MARCHF3: variants seen among roughly 807,000 people sequenced by gnomAD.
The protein encoded by MARCHF3 is membrane associated ring-CH-type finger 3.
A neutral mutation model predicts 24.2 loss-of-function variants in MARCHF3; 13 were observed. That is an observed-to-expected ratio of 0.54 (90% CI 0.35 to 0.85). MARCHF3 has a LOEUF of 0.85. Among genes scored for constraint, MARCHF3 ranks in the 40% least tolerant of loss-of-function variants. The probability of loss-of-function intolerance (pLI) is 0.01; values close to 1 mark genes in which losing one functional copy is unlikely to be tolerated. For synonymous variants in MARCHF3, 144 were observed against 137.3 expected, an observed-to-expected ratio of 1.05 and a Z score of -0.34; for missense variants, 276 against 325.0, an observed-to-expected ratio of 0.85 and a Z score of 1.16.
rs189073503 is a variant in MARCHF3, at chr5:126,888,475, C to A, written c.394-10081G>T. Reference sequence around the variant, plus strand: ...GGCACAACAGGATTAGATGGCAAATCATTTTATATATTCACTTGTAACTTC... The same window carrying A: ...GGCACAACAGGATTAGATGGCAAATAATTTTATATATTCACTTGTAACTTC... On this transcript the variant is annotated intron_variant, in intron 3 of 4. Coordinates refer to ENST00000308660, the MANE Select transcript of MARCHF3 (RefSeq NM_178450.5). 3.3e-5 allele frequency among the ~76,000 whole-genome samples: 5 copies of A among 152,276 alleles called. No homozygotes were observed. The East Asian group carries it at 9.6e-4, about 29-fold the overall frequency.
chr5:126,909,516 C>A (rs545244783), intron 3 of MARCHF3, among the ~76,000 whole-genome samples: 1 of 152,382 alleles, frequency 6.6e-6, no homozygotes, highest in Non-Finnish European at 1.5e-5. Context: ...AGGATATAAT[C>A]TCCTGGTGCG....
intron 1 of MARCHF3, among the ~76,000 whole-genome samples, chr5:126,983,065 G>A (rs1580705716): frequency 6.6e-6 from 1 of 152,152 alleles, no homozygotes. Flanking sequence ...GGAGTAGGGA[G>A]TATGGGGTCA....
intron 1 of MARCHF3, among the ~76,000 whole-genome samples, chr5:126,997,725 C>T (rs1429973618): frequency 6.6e-6 from 1 of 152,124 alleles, no homozygotes; most frequent in East Asian, 1.9e-4. Flanking sequence ...TAAGGCTATG[C>T]TTTTCTGCAA....
chr5:126,976,682 G>A (rs779534547), intron 1 of MARCHF3, among the ~76,000 whole-genome samples: 11 of 152,238 alleles, frequency 7.2e-5, no homozygotes, highest in Non-Finnish European at 1.3e-4. Flanking sequence ...TCTGAGGTCA[G>A]GAGCTGAAAT....
At chr5:126,901,152 T>C (rs1754092419) in intron 3 of MARCHF3, among the ~76,000 whole-genome samples, 1 of 152,066 alleles carries the variant, frequency 6.6e-6, no homozygotes, top group Non-Finnish European at 1.5e-5. Flanking sequence ...ACCTGAGACA[T>C]TGAAATAAGA....
chr5:127,000,132 A>G (rs1752080000), intron 1 of MARCHF3, among the ~76,000 whole-genome samples: 1 of 151,818 alleles, frequency 6.6e-6, no homozygotes, highest in African/African-American at 2.4e-5. Flanking sequence ...GAGATCCTTC[A>G]TATCATTTAA....
chr5:127,013,750 T>C (rs1475752720), intron 1 of MARCHF3, among the ~76,000 whole-genome samples: 2 of 152,164 alleles, frequency 1.3e-5, no homozygotes, highest in African/African-American at 2.4e-5. Flanking sequence ...TGAATCCATC[T>C]ATATAAGGCC....
intron 3 of MARCHF3, chr5:126,898,915 G>C: frequency 1.0e-6 from 1 of 985,040 alleles, no homozygotes; most frequent in Non-Finnish European, 1.2e-6. Context: ...TTCACAAACA[G>C]ATTATACATT....
intron 1 of MARCHF3, among the ~76,000 whole-genome samples, chr5:126,920,171 T>G (rs1243088422): frequency 2.0e-5 from 3 of 152,214 alleles, no homozygotes; most frequent in African/African-American, 7.2e-5. Flanking sequence ...GGTAGATATC[T>G]TCTTTTTATT....
intron 1 of MARCHF3, among the ~76,000 whole-genome samples, chr5:127,021,978 T>C (rs1752819175): frequency 6.6e-6 from 1 of 152,226 alleles, no homozygotes; most frequent in Admixed American, 6.5e-5. Flanking sequence ...AGGCCTGCCC[T>C]TCTCCATATT....
intron 4 of MARCHF3, among the ~76,000 whole-genome samples, chr5:126,871,664 T>G (rs1333525666): frequency 6.6e-6 from 1 of 152,044 alleles, no homozygotes; most frequent in Non-Finnish European, 1.5e-5. Flanking sequence ...TGAATAAGCA[T>G]CCTATATTTT....
intron 1 of MARCHF3, among the ~76,000 whole-genome samples, chr5:126,985,468 TTTA>T (rs1170337855): frequency 2.7e-5 from 4 of 148,726 alleles, no homozygotes; most frequent in South Asian, 4.4e-4. Context: ...TGGATGAACT[TTTA>T]TTTTTTTTTT....
chr5:126,948,122 C>G (rs1235681985), intron 1 of MARCHF3, among the ~76,000 whole-genome samples: 3 of 152,136 alleles, frequency 2.0e-5, no homozygotes, highest in Non-Finnish European at 4.4e-5. Flanking sequence ...CTGGGAGCCT[C>G]TACCATGACA....
At chr5:126,955,991 A>G (rs890002446) in intron 1 of MARCHF3, among the ~76,000 whole-genome samples, 2 of 152,214 alleles carry the variant, frequency 1.3e-5, no homozygotes, top group Non-Finnish European at 2.9e-5. Flanking sequence ...ACATTAATCT[A>G]CCTTTCTTTT....
chr5:126,897,905 G>C (rs1410125430), intron 3 of MARCHF3, among the ~76,000 whole-genome samples: 1 of 152,098 alleles, frequency 6.6e-6, no homozygotes, highest in Non-Finnish European at 1.5e-5. Context: ...TGAGACTAGA[G>C]CTTGCAAACA....
intron 1 of MARCHF3, among the ~76,000 whole-genome samples, chr5:126,982,866 T>C (rs201669158): frequency 1.3e-5 from 2 of 152,212 alleles, no homozygotes; most frequent in East Asian, 3.8e-4. Flanking sequence ...GTTTTTGTTA[T>C]ACCACTAATG....
intron 1 of MARCHF3, among the ~76,000 whole-genome samples, chr5:126,941,144 T>C (rs1580665121): frequency 1.3e-5 from 2 of 152,224 alleles, no homozygotes; most frequent in South Asian, 4.1e-4. Context: ...GAGTTATCAT[T>C]TGAACAGGTA....
chr5:126,900,136 A>AT (rs920698803), intron 3 of MARCHF3, among the ~76,000 whole-genome samples: 12 of 151,358 alleles, frequency 7.9e-5, no homozygotes, highest in Admixed American at 2.0e-4. Flanking sequence ...TTTACTCATA[A>AT]TTTTTTTTTC....
At chr5:126,895,211 C>G (rs1753835086) in intron 3 of MARCHF3, among the ~76,000 whole-genome samples, 1 of 152,084 alleles carries the variant, frequency 6.6e-6, no homozygotes, top group Non-Finnish European at 1.5e-5. Context: ...ATACATTCTT[C>G]TAAAGTTTTT....
Sources: allele counts gnomAD v4.1 joint callset (sites outside exome capture counted in the v4.1 genomes callset), GRCh38; gene constraint gnomAD v4.1.1; transcripts MANE v1.5; gene names NCBI Gene and HGNC (gene_info 2026-07-23, HGNC 2026-07-21).